ANXA4: variants seen among roughly 807,000 people sequenced by gnomAD.
ANXA4 encodes the protein annexin A4, also known as 35-beta calcimedin.
A neutral mutation model predicts 49.8 loss-of-function variants in ANXA4; 39 were observed. The observed-to-expected ratio is 0.78, with a 90% confidence interval of 0.61 to 1.02. The LOEUF (loss-of-function observed/expected upper bound fraction) is 1.02, where lower values mean the gene tolerates loss of function less well. Among genes scored for constraint, ANXA4 ranks in the 50% least tolerant of loss-of-function variants. The probability of loss-of-function intolerance (pLI) is 0.00; values close to 1 mark genes in which losing one functional copy is unlikely to be tolerated. For synonymous variants in ANXA4, 134 were observed against 152.5 expected (o/e 0.88, Z 0.89); for missense variants, 360 against 410.1 (o/e 0.88, Z 1.05).
At chr2:69,765,148 C>T (rs1418883466) in intron 1 of ANXA4, among the ~76,000 whole-genome samples, 1 of 152,154 alleles carries the variant, frequency 6.6e-6, no homozygotes, top group African/African-American at 2.4e-5. Flanking sequence ...GTTTTGCTTC[C>T]ACTTTTGGCT....
chr2:69,757,266 ATTTTTTTTTTT>A (rs1177266386), intron 1 of ANXA4, among the ~76,000 whole-genome samples: 125 of 27,628 alleles, frequency 4.5e-3, no homozygotes, highest in African/African-American at 0.015. Context: ...ATATATATAT[ATTTTTTTTTTT>A]TTTTTTTTTT....
intron 2 of ANXA4, among the ~76,000 whole-genome samples, chr2:69,660,075 G>C (rs1355604780): frequency 2.6e-5 from 4 of 152,044 alleles, no homozygotes; most frequent in Middle Eastern, 3.2e-3. Flanking sequence ...ATATTTTCTT[G>C]TCTATCTGTG....
intron 7 of ANXA4, 140 bp downstream of exon 7, chr2:69,810,813 T>C: frequency 1.5e-6 from 1 of 664,234 alleles, no homozygotes; most frequent in Non-Finnish European, 2.7e-6. Flanking sequence ...TTCCTTTATC[T>C]TATTTCTCCT....
At chr2:69,643,982 G>A (rs1305879054), upstream of ANXA4, 6 of 817,228 alleles carry the variant, frequency 7.3e-6, 1 homozygote, top group South Asian at 2.3e-4. Context: ...CGCAGGGCAA[G>A]CTGGGAAAGG....
chr2:69,691,480 T>G (rs1337924068), intron 2 of ANXA4, among the ~76,000 whole-genome samples: 2 of 152,078 alleles, frequency 1.3e-5, no homozygotes, highest in African/African-American at 4.8e-5. Flanking sequence ...GAGTTTACTT[T>G]GGAGACAGAA....
At chr2:69,819,816 C>A (rs926943351) in intron 11 of ANXA4, among the ~76,000 whole-genome samples, 1 of 152,070 alleles carries the variant, frequency 6.6e-6, no homozygotes, top group African/African-American at 2.4e-5. Flanking sequence ...GCCTGTAATC[C>A]CAGCACTTTG....
intron 3 of ANXA4, among the ~76,000 whole-genome samples, chr2:69,728,412 G>A (rs973003724): frequency 2.1e-4 from 32 of 152,040 alleles, no homozygotes; most frequent in Non-Finnish European, 3.1e-4. Context: ...TTTTCTTTAT[G>A]GTTAGTCTTT....
intron 3 of ANXA4, among the ~76,000 whole-genome samples, chr2:69,730,831 C>G (rs1228901961): frequency 2.0e-5 from 3 of 152,170 alleles, no homozygotes; most frequent in Non-Finnish European, 4.4e-5. Context: ...TTGATAATGA[C>G]CCATTAGCAA....
chr2:69,760,922 G>A (rs535426953), intron 1 of ANXA4, among the ~76,000 whole-genome samples: 3 of 152,196 alleles, frequency 2.0e-5, no homozygotes, highest in South Asian at 4.1e-4. Context: ...ACCACTTTGG[G>A]AGGCCAAGGT....
chr2:69,818,401 C>T (rs1040973129), intron 9 of ANXA4, 198 bp from the exon 10 acceptor site: 1 of 365,748 alleles, frequency 2.7e-6, no homozygotes, highest in Non-Finnish European at 5.1e-6. Context: ...AACATCACAG[C>T]ATTTCTTCCT....
chr2:69,713,053 CACA>C (rs1003681525), intron 2 of ANXA4, among the ~76,000 whole-genome samples: 4 of 152,194 alleles, frequency 2.6e-5, no homozygotes, highest in Non-Finnish European at 5.9e-5. Flanking sequence ...TACAACACCA[CACA>C]ACTAGAGAGT....
intron 2 of ANXA4, among the ~76,000 whole-genome samples, chr2:69,695,491 TA>T (rs1023098230): frequency 2.0e-4 from 31 of 152,178 alleles, no homozygotes; most frequent in African/African-American, 7.5e-4. Flanking sequence ...AGTGTTGTAA[TA>T]AGCAGCATAG....
At chr2:69,799,478 A>AT (rs1455872583) in intron 3 of ANXA4, among the ~76,000 whole-genome samples, 6 of 152,086 alleles carry the variant, frequency 3.9e-5, no homozygotes, top group African/African-American at 7.2e-5. Flanking sequence ...AAGAGAAGTG[A>AT]TTTTTTTTAA....
At chr2:69,684,698 A>G (rs954187771) in intron 2 of ANXA4, among the ~76,000 whole-genome samples, 5 of 151,256 alleles carry the variant, frequency 3.3e-5, no homozygotes, top group South Asian at 2.1e-4. Flanking sequence ...AAAAAAAAAA[A>G]AAAGAAAGAA....
upstream of ANXA4, among the ~76,000 whole-genome samples, chr2:69,741,709 C>G (rs572868825): frequency 6.6e-6 from 1 of 152,224 alleles, no homozygotes; most frequent in South Asian, 2.1e-4. Context: ...TCCGGCTTGG[C>G]GCGGAGCTGG....
chr2:69,660,383 A>T (rs1241670478), intron 2 of ANXA4, among the ~76,000 whole-genome samples: 1 of 152,188 alleles, frequency 6.6e-6, no homozygotes, highest in Non-Finnish European at 1.5e-5. Flanking sequence ...CTCATAGACT[A>T]AAACAAATCA....
intron 8 of ANXA4, chr2:69,815,897 C>T: frequency 1.8e-6 from 1 of 553,274 alleles, no homozygotes; most frequent in Non-Finnish European, 3.3e-6. Flanking sequence ...TTTGCCCTGA[C>T]TCCCAGGGGG....
At chr2:69,746,634 C>A (rs1406401351) in intron 1 of ANXA4, among the ~76,000 whole-genome samples, 1 of 152,066 alleles carries the variant, frequency 6.6e-6, no homozygotes, top group Non-Finnish European at 1.5e-5. Context: ...TTGAAGAATT[C>A]TTTTTAAAGA....
At chr2:69,819,256 T>A in intron 10 of ANXA4, 24 bp from the exon 11 acceptor site, 1 of 1,556,842 alleles carries the variant, frequency 6.4e-7, no homozygotes. Flanking sequence ...ATCTTTTCAT[T>A]TCTTCTTTTT....
Sources: gnomAD v4.1 joint callset for allele counts (sites outside exome capture counted in the v4.1 genomes callset) on GRCh38, gnomAD v4.1.1 for gene constraint, MANE v1.5 for transcripts, NCBI Gene and HGNC (gene_info 2026-07-23, HGNC 2026-07-21) for gene names.